The following MGAT4C variants were observed in gnomAD, a reference collection of about 807,000 sequenced individuals.
The protein encoded by MGAT4C is MGAT4 family member C.
A neutral mutation model predicts 40.1 loss-of-function variants in MGAT4C; 19 were observed. The ratio of observed to expected loss-of-function variants is 0.47; its 90% CI spans 0.33 to 0.70. The LOEUF is 0.70. Among genes scored for constraint, MGAT4C ranks in the 30% least tolerant of loss-of-function variants. The pLI is 0.02. For synonymous variants in MGAT4C, 181 were observed against 187.1 expected (o/e 0.97, Z 0.27); for missense variants, 491 against 563.2 (o/e 0.87, Z 1.30).
intron 3 of MGAT4C, among the ~76,000 whole-genome samples, chr12:86,363,150 A>G (rs1007263601): frequency 6.6e-6 from 1 of 151,124 alleles, no homozygotes; most frequent in Non-Finnish European, 1.5e-5. Flanking sequence ...GCCAGGGTAT[A>G]TAATATATTA....
intron 2 of MGAT4C, among the ~76,000 whole-genome samples, chr12:86,493,185 T>C (rs1958172104): frequency 4.0e-5 from 6 of 150,690 alleles, no homozygotes; most frequent in Admixed American, 3.9e-4. Context: ...AGGAACACTT[T>C]TACACTGTTG....
At chr12:86,335,451 G>A (rs1954764414) in intron 3 of MGAT4C, among the ~76,000 whole-genome samples, 1 of 151,980 alleles carries the variant, frequency 6.6e-6, no homozygotes. Flanking sequence ...ACTTAGATGA[G>A]CAATATTAGC....
At chr12:86,707,634 G>T (rs572754407) in intron 2 of MGAT4C, among the ~76,000 whole-genome samples, 9 of 151,680 alleles carry the variant, frequency 5.9e-5, no homozygotes, top group African/African-American at 2.2e-4. Flanking sequence ...AGATTCAAGT[G>T]ATTCTCCTGC....
intron 1 of MGAT4C, among the ~76,000 whole-genome samples, chr12:86,797,031 A>G (rs901601533): frequency 2.0e-5 from 3 of 151,946 alleles, no homozygotes; most frequent in Non-Finnish European, 4.4e-5. Flanking sequence ...CACTGGGTGA[A>G]TATCTCATCC....
chr12:86,516,614 A>G (rs948274178), intron 2 of MGAT4C, among the ~76,000 whole-genome samples: 1 of 152,142 alleles, frequency 6.6e-6, no homozygotes, highest in Non-Finnish European at 1.5e-5. Flanking sequence ...AAAAATAGAC[A>G]AACTGTACTT....
At chr12:86,577,431 T>C (rs1379368660) in intron 2 of MGAT4C, among the ~76,000 whole-genome samples, 2 of 151,946 alleles carry the variant, frequency 1.3e-5, no homozygotes, top group South Asian at 4.1e-4. Context: ...AGTATAATAC[T>C]AGTTTTGGGT....
At chr12:86,261,182 G>A (rs1475849570), upstream of MGAT4C, among the ~76,000 whole-genome samples, 1 of 152,074 alleles carries the variant, frequency 6.6e-6, no homozygotes, top group Non-Finnish European at 1.5e-5. Context: ...AACATGTATT[G>A]AATTGATTTG....
chr12:86,611,573 G>A (rs1020400488), intron 2 of MGAT4C, among the ~76,000 whole-genome samples: 2 of 152,080 alleles, frequency 1.3e-5, no homozygotes, highest in Admixed American at 6.6e-5. Flanking sequence ...TCCTCTGCAC[G>A]TCTCCTTCAG....
At chr12:86,682,613 GA>G (rs904968719) in intron 2 of MGAT4C, among the ~76,000 whole-genome samples, 2 of 151,760 alleles carry the variant, frequency 1.3e-5, no homozygotes, top group African/African-American at 4.8e-5. Context: ...CCAAACTAGG[GA>G]AAAAAAGTTT....
chr12:86,427,592 T>C (rs1956954470), intron 3 of MGAT4C, among the ~76,000 whole-genome samples: 2 of 152,138 alleles, frequency 1.3e-5, no homozygotes, highest in Non-Finnish European at 2.9e-5. Flanking sequence ...TTTCACATCC[T>C]TAGTAGTCAC....
intron 3 of MGAT4C, among the ~76,000 whole-genome samples, chr12:86,364,937 T>C (rs973609762): frequency 1.3e-5 from 2 of 152,298 alleles, no homozygotes; most frequent in South Asian, 2.1e-4. Flanking sequence ...GTTTCAGGCA[T>C]GCATTGTCAT....
At chr12:86,618,530 T>C (rs574787818) in intron 2 of MGAT4C, among the ~76,000 whole-genome samples, 1 of 152,286 alleles carries the variant, frequency 6.6e-6, no homozygotes, top group Non-Finnish European at 1.5e-5. Context: ...TCGAGCAACA[T>C]AGATGGAACT....
At chr12:86,765,935 A>C (rs371243030) in intron 1 of MGAT4C, among the ~76,000 whole-genome samples, 2 of 152,166 alleles carry the variant, frequency 1.3e-5, no homozygotes, top group Admixed American at 6.6e-5. Flanking sequence ...AAAGACCATC[A>C]AGACTAGGAA....
At chr12:86,530,523 C>A (rs1958963234) in intron 2 of MGAT4C, among the ~76,000 whole-genome samples, 1 of 151,978 alleles carries the variant, frequency 6.6e-6, no homozygotes, top group Non-Finnish European at 1.5e-5. Flanking sequence ...GCAACACTAA[C>A]TCTTGCAGGT....
chr12:86,113,481 G>A (rs1416495010), intron 1 of MGAT4C, among the ~76,000 whole-genome samples: 2 of 151,488 alleles, frequency 1.3e-5, no homozygotes, highest in African/African-American at 2.4e-5. Flanking sequence ...AAACTCTTTA[G>A]GTAAGATAGA....
chr12:86,541,246 T>A (rs2136385576), intron 2 of MGAT4C, among the ~76,000 whole-genome samples: 1 of 152,336 alleles, frequency 6.6e-6, no homozygotes, highest in East Asian at 1.9e-4. Context: ...TGCAACATTA[T>A]TAAATGCACT....
At position 86,509,870 on chromosome 12, in the gene MGAT4C, A is replaced by C. The variant is rs1328083817; in HGVS notation, c.-228-74605T>G. On this transcript the variant is annotated intron_variant, in intron 2 of 7. Transcript: ENST00000548651. ...TGATTTAGCTCTCTGTTTGTCTGCT[A>C]TTGGTGTATAAGAATGCTTGTGATT... Among the ~76,000 whole-genome samples, 14 of 152,150 alleles carry C rather than the reference A, an allele frequency of 9.2e-5. No individual in the cohort carries two copies. In the East Asian group the frequency reaches 2.5e-3, roughly 27 times the overall value.
At chr12:86,609,042 T>A (rs1962150632) in intron 2 of MGAT4C, among the ~76,000 whole-genome samples, 1 of 152,142 alleles carries the variant, frequency 6.6e-6, no homozygotes, top group Non-Finnish European at 1.5e-5. Flanking sequence ...AAAAAGAGCA[T>A]GCCAAAGAAA....
At chr12:86,583,704 CATA>C (rs1251856814) in intron 2 of MGAT4C, among the ~76,000 whole-genome samples, 1 of 151,074 alleles carries the variant, frequency 6.6e-6, no homozygotes, top group Non-Finnish European at 1.5e-5. Context: ...ATATTCTATA[CATA>C]ATGAGTTCAA....
Sources: gnomAD v4.1 joint callset for allele counts (sites outside exome capture counted in the v4.1 genomes callset) on GRCh38, gnomAD v4.1.1 for gene constraint, MANE v1.5 for transcripts, NCBI Gene and HGNC (gene_info 2026-07-23, HGNC 2026-07-21) for gene names.